Variants in DMD observed in about 807,000 individuals in gnomAD.
DMD encodes mutant dystrophin.
In DMD, 63 loss-of-function variants were observed where a neutral mutation model predicts 330.1. The observed-to-expected ratio is 0.19, with a 90% CI of 0.16 to 0.24. DMD has a LOEUF of 0.24. Among genes scored for constraint, DMD ranks in the 10% least tolerant of loss-of-function variants. The pLI is 1.00. For missense variants in DMD, 3,344 were observed against 2,684.1 expected (o/e 1.25, Z -5.43); for synonymous variants, 1,223 against 959.8 (o/e 1.27, Z -5.07).
chrX:31,274,277 T>G (rs1328224027), intron 62 of DMD, among the ~76,000 whole-genome samples: 1 of 112,300 alleles, frequency 8.9e-6, no homozygotes, highest in Non-Finnish European at 1.9e-5. Flanking sequence ...AGGCATAAAA[T>G]TCACAGCGTT....
intron 59 of DMD, among the ~76,000 whole-genome samples, chrX:31,461,455 G>A (rs1399675924): frequency 8.9e-6 from 1 of 111,736 alleles, no homozygotes; most frequent in Non-Finnish European, 1.9e-5. Context: ...ATGCTGAGGT[G>A]AGAACCATTG....
chrX:32,716,211 T>G (rs186924772), intron 7 of DMD, among the ~76,000 whole-genome samples: 175 of 111,269 alleles, frequency 1.6e-3, no homozygotes, highest in Middle Eastern at 9.2e-3. Flanking sequence ...CCAAATCTCA[T>G]GTTGAGTTGT....
At chrX:31,646,160 T>C (rs1270255378) in intron 54 of DMD, among the ~76,000 whole-genome samples, 1 of 111,612 alleles carries the variant, frequency 9.0e-6, no homozygotes, top group East Asian at 2.8e-4. Context: ...GAAATATACG[T>C]TCTTAGGACT....
intron 62 of DMD, among the ~76,000 whole-genome samples, chrX:31,287,735 T>G (rs2053337600): frequency 8.9e-6 from 1 of 112,515 alleles, no homozygotes; most frequent in African/African-American, 3.2e-5. Flanking sequence ...GCCATGCTAG[T>G]TATAGGCATT....
At chrX:33,175,749 A>G (rs749723010) in intron 1 of DMD, among the ~76,000 whole-genome samples, 1 of 112,011 alleles carries the variant, frequency 8.9e-6, no homozygotes, top group South Asian at 3.7e-4. Flanking sequence ...ACAGGGAAGC[A>G]TATTACCTTC....
chrX:32,333,300 G>A (rs759734646), intron 41 of DMD, among the ~76,000 whole-genome samples: 1 of 111,563 alleles, frequency 9.0e-6, no homozygotes, highest in African/African-American at 3.2e-5. Context: ...CTAGTAAACG[G>A]TTTCTGTGTG....
At chrX:32,206,135 ACAGCC>A in intron 44 of DMD, 3 of 518,209 alleles carry the variant, frequency 5.8e-6, no homozygotes, top group Non-Finnish European at 1.1e-5. Flanking sequence ...AAATGTCTGT[ACAGCC>A]CATGGTTTCC....
rs1180717865 is a variant in DMD at position 33,090,227 on chromosome X, C to A, written c.32-70027G>T. Among the ~76,000 whole-genome samples the A allele has an allele frequency of 2.7e-5, 3 of 109,797 alleles. No individual in the cohort carries two copies. The Admixed American group carries it at 3.0e-4, about 11-fold the overall frequency. On this transcript the variant is annotated intron_variant, in intron 1 of 78. Transcript: ENST00000357033. ...GGACTTATAATAATTTAGTTAACAC[C>A]ATATTCATGTCTCCATAAAAACCCT...
intron 45 of DMD, among the ~76,000 whole-genome samples, chrX:31,967,295 GGGGTGTGT>G (rs2095358708): frequency 1.3e-5 from 1 of 77,764 alleles, no homozygotes; most frequent in African/African-American, 5.0e-5. Flanking sequence ...ACTTTGGCAA[GGGGTGTGT>G]GTGTGTGTGT....
At chrX:32,466,399 T>C (rs2040027633) in intron 23 of DMD, among the ~76,000 whole-genome samples, 1 of 111,763 alleles carries the variant, frequency 8.9e-6, no homozygotes, top group African/African-American at 3.3e-5. Context: ...ATTTCCTTCC[T>C]GCCTACTGTG....
At chrX:31,911,449 A>G (rs945508780) in intron 47 of DMD, among the ~76,000 whole-genome samples, 19 of 111,156 alleles carry the variant, frequency 1.7e-4, no homozygotes, top group African/African-American at 6.2e-4. Context: ...ATTGAAATAC[A>G]TTCTTAAATA....
chrX:31,425,691 T>TGAG (rs202226701), intron 60 of DMD, among the ~76,000 whole-genome samples: 1,708 of 75,021 alleles, frequency 0.023, 20 homozygotes, highest in African/African-American at 0.11. Context: ...CACACAGGCA[T>TGAG]GAGTACACAC....
intron 47 of DMD, among the ~76,000 whole-genome samples, chrX:31,886,758 T>C (rs1238811559): frequency 8.9e-6 from 1 of 111,946 alleles, no homozygotes; most frequent in East Asian, 2.8e-4. Context: ...AGGTAGGTTT[T>C]TGTAGTTCAT....
intron 7 of DMD, among the ~76,000 whole-genome samples, chrX:32,748,535 C>A (rs2070383945): frequency 9.0e-6 from 1 of 110,976 alleles, no homozygotes; most frequent in African/African-American, 3.3e-5. Context: ...ATCTACAGAA[C>A]TTCAGAAAAT....
chrX:32,922,420 C>A (rs2088517121), intron 2 of DMD, among the ~76,000 whole-genome samples: 1 of 111,759 alleles, frequency 8.9e-6, no homozygotes, highest in African/African-American at 3.3e-5. Flanking sequence ...AATATTTAGA[C>A]CTACCCCCTA....
At chrX:31,389,224 A>T (rs1233633324) in intron 60 of DMD, among the ~76,000 whole-genome samples, 1 of 112,289 alleles carries the variant, frequency 8.9e-6, no homozygotes, top group African/African-American at 3.2e-5. Flanking sequence ...AAGCCATTTT[A>T]TCCAACGTCA....
chrX:32,857,236 C>T (rs1323695219), intron 2 of DMD, among the ~76,000 whole-genome samples: 1 of 112,014 alleles, frequency 8.9e-6, no homozygotes, highest in African/African-American at 3.2e-5. Context: ...TAAATTTAAT[C>T]TAAAACAAAG....
At chrX:32,709,764 C>T (rs1431871591) in intron 7 of DMD, among the ~76,000 whole-genome samples, 3 of 111,720 alleles carry the variant, frequency 2.7e-5, no homozygotes, top group Non-Finnish European at 5.6e-5. Context: ...CAACCCCTTT[C>T]CCTTTATTTT....
chrX:32,133,626 T>C (rs1318486935), intron 44 of DMD, among the ~76,000 whole-genome samples: 2 of 111,374 alleles, frequency 1.8e-5, no homozygotes, highest in Non-Finnish European at 3.8e-5. Flanking sequence ...TTAGGGCAAC[T>C]TTATCCCTTC....
Sources: allele counts gnomAD v4.1 joint callset (sites outside exome capture counted in the v4.1 genomes callset), GRCh38; gene constraint gnomAD v4.1.1; transcripts MANE v1.5; gene names NCBI Gene and HGNC (gene_info 2026-07-23, HGNC 2026-07-21).